The following APPL1 variants were observed in gnomAD, a reference collection of about 807,000 sequenced individuals.
APPL1 encodes adaptor protein, phosphotyrosine interacting with PH domain and leucine zipper 1.
Under a neutral mutation model 106.8 loss-of-function variants are expected in APPL1, and 42 were observed. The observed-to-expected ratio is 0.39, with a 90% CI of 0.31 to 0.51. The LOEUF is 0.51. Among genes scored for constraint, APPL1 ranks in the 20% least tolerant of loss-of-function variants. The pLI, the probability that APPL1 is intolerant of heterozygous loss-of-function variation, is 0.75. For missense variants in APPL1, 769 were observed against 858.2 expected (o/e 0.90, Z 1.30); for synonymous variants, 263 against 281.8 (o/e 0.93, Z 0.67).
intron 12 of APPL1, among the ~76,000 whole-genome samples, chr3:57,253,396 T>C (rs2107605391): frequency 6.6e-6 from 1 of 152,154 alleles, no homozygotes; most frequent in Non-Finnish European, 1.5e-5. Context: ...AACTTGAGAT[T>C]CTTACATAAA....
chr3:57,235,738 T>C, intron 2 of APPL1, 74 bp downstream of exon 2: 1 of 1,078,036 alleles, frequency 9.3e-7, no homozygotes, highest in Non-Finnish European at 1.4e-6. Flanking sequence ...ATAGTGTCTG[T>C]CTTGTTTACC....
chr3:57,262,045 G>T (rs2060869098), intron 19 of APPL1, among the ~76,000 whole-genome samples: 1 of 152,048 alleles, frequency 6.6e-6, no homozygotes, highest in African/African-American at 2.4e-5. Context: ...TCATATACCT[G>T]TTGGCTGTTT....
At chr3:57,255,906 A>T (rs2060832876) in intron 13 of APPL1, among the ~76,000 whole-genome samples, 1 of 152,190 alleles carries the variant, frequency 6.6e-6, no homozygotes, top group Admixed American at 6.5e-5. Flanking sequence ...CAGAACTCTA[A>T]TTTTTAGTTA....
chr3:57,258,999 G>A, intron 15 of APPL1, 29 bp from the exon 16 acceptor site: 1 of 1,566,256 alleles, frequency 6.4e-7, no homozygotes, highest in Non-Finnish European at 8.8e-7. Context: ...AACTGACCAT[G>A]TGTTCATATT....
At chr3:57,253,771 G>A in intron 13 of APPL1, 33 bp downstream of exon 13, 1 of 1,346,918 alleles carries the variant, frequency 7.4e-7, no homozygotes, top group South Asian at 1.7e-5. Context: ...CCCAGATCTA[G>A]CAAAATTGAG....
chr3:57,227,816 C>G lies in APPL1; in HGVS notation c.-68C>G. The G allele has an allele frequency of 1.5e-6, 2 of 1,335,304 alleles. No individual in the cohort carries two copies. The highest frequency in any genetic ancestry group is 3.0e-5 in the South Asian group (2 of 66,112). The allele number at this position is 1,335,304 out of a possible 1,614,324, so 82.7% of individuals were successfully genotyped here. A position where few individuals can be genotyped will look rare whatever the true frequency, so the allele number is the denominator to read the frequency against. On this transcript the variant is annotated 5_prime_UTR_variant, in exon 1 of 22. Transcript: ENST00000288266. The stretch of plus-strand genomic sequence containing the variant: ...GAGGGCGGGCCGGGGTCAGCTGCGG[C>G]GGGCGGGCCGGCGCGGGGAGCTGTG...
At position 57,260,013 on chromosome 3, in the gene APPL1, G is replaced by A; in HGVS notation, c.1652G>A (p.Cys551Tyr). Reference sequence around the variant, plus strand: ...TCGCATTTATTAGTCACTTGTGACTGTTTAAAGTAAGTAAAACCCTCCCTT... The same window carrying A: ...TCGCATTTATTAGTCACTTGTGACTATTTAAAGTAAGTAAAACCCTCCCTT... ...TESHLLVTCDCLKLIDPQTQV... is the reference protein window; with the variant it reads ...TESHLLVTCDYLKLIDPQTQV... Residue 551 changes from cysteine (C) to tyrosine (Y), a missense_variant, in exon 17 of 22, where the codon TGT becomes TAT. Transcript: ENST00000288266. The A allele has an allele frequency of 2.5e-6, 4 of 1,612,796 alleles. No homozygotes were observed. The highest frequency in any genetic ancestry group is 2.5e-6 in the Non-Finnish European group (3 of 1,179,696).
At chr3:57,265,947 A>G (rs2060892546) in intron 19 of APPL1, among the ~76,000 whole-genome samples, 1 of 152,180 alleles carries the variant, frequency 6.6e-6, no homozygotes, top group Non-Finnish European at 1.5e-5. Flanking sequence ...CAGTAATTGA[A>G]ATGATTAAAT....
intron 19 of APPL1, among the ~76,000 whole-genome samples, chr3:57,267,450 G>C (rs903031830): frequency 6.6e-5 from 10 of 152,198 alleles, no homozygotes; most frequent in African/African-American, 1.9e-4. Context: ...GCTGAGAATA[G>C]CATTAGCAGC....
chr3:57,232,992 ACT>A (rs762531161), intron 1 of APPL1, among the ~76,000 whole-genome samples: 11 of 152,046 alleles, frequency 7.2e-5, no homozygotes, highest in African/African-American at 1.2e-4. Context: ...ACACAGTGAG[ACT>A]CTGACTCAAA....
rs558181794 is a variant in APPL1, at chr3:57,234,457, C to T, written c.55-1109C>T. ...GGACTGCAGGGGCCCGCCACCATGC[C>T]TGGATAATTTTTTTGTATTTTTAGT... On this transcript the variant is annotated intron_variant, in intron 1 of 21. Coordinates refer to ENST00000288266, the MANE Select transcript of APPL1 (RefSeq NM_012096.3). Among the ~76,000 whole-genome samples, 14 of 151,508 alleles carry T rather than the reference C, an allele frequency of 9.2e-5. No individual in the cohort carries two copies. In the East Asian group the frequency reaches 2.6e-3, roughly 28 times the overall value.
Position 57,246,161 on chromosome 3 carries a change from C to T in APPL1, c.560C>T (p.Thr187Ile), listed in dbSNP as rs1466796818. The change falls in exon 8 of 22, where the codon ACT (threonine) becomes ATT (isoleucine). Residue 187 changes from threonine (T) to isoleucine (I), a missense_variant. Coordinates refer to ENST00000288266, the MANE Select transcript of APPL1 (RefSeq NM_012096.3). Reference sequence around the variant, plus strand: ...ATGCATTATTTTTGTGCATTAAATACTCTTCAGTACAAGAAGAAAATAGCA... The same window carrying T: ...ATGCATTATTTTTGTGCATTAAATATTCTTCAGTACAAGAAGAAAATAGCA... ...TMMHYFCALN[T>I]LQYKKKIALL... is the part of the protein sequence containing the mutation. 5 of 1,612,290 alleles carry T rather than the reference C, an allele frequency of 3.1e-6. No individual in the cohort carries two copies. Among genetic ancestry groups the T allele is most frequent in the East Asian group, 2.2e-5 (1 of 44,704 alleles).
chr3:57,253,798 A>G (rs1191701286), intron 13 of APPL1, 60 bp downstream of exon 13: 1 of 1,291,612 alleles, frequency 7.7e-7, no homozygotes, highest in African/African-American at 1.6e-5. Flanking sequence ...TGTGGCTTAC[A>G]TGTTTTTATT....
In APPL1 at chr3:57,227,798, G is replaced by C. The variant is rs901349054; in HGVS notation, c.-86G>C. On this transcript the variant is annotated 5_prime_UTR_variant, in exon 1 of 22. Coordinates refer to ENST00000288266, the MANE Select transcript of APPL1 (RefSeq NM_012096.3). ...GCTGCAGCCCTTGCCGGAGAGGGCG[G>C]GCCGGGGTCAGCTGCGGCGGGCGGG... 2.4e-6 allele frequency: 3 copies of C among 1,227,648 alleles called. No individual in the cohort carries two copies. Among genetic ancestry groups the C allele is most frequent in the Admixed American group, 2.7e-5 (1 of 37,648 alleles). 76.0% of individuals were successfully genotyped at this position (1,227,648 alleles called of 1,614,324 possible).
chr3:57,247,822 G>A (rs1185628844), intron 9 of APPL1, among the ~76,000 whole-genome samples: 1 of 152,152 alleles, frequency 6.6e-6, no homozygotes, highest in Non-Finnish European at 1.5e-5. Context: ...TCCAAGCCAT[G>A]AAAGCTTAGA....
At chr3:57,265,674 TAAGA>T (rs775342777) in intron 19 of APPL1, among the ~76,000 whole-genome samples, 4 of 151,994 alleles carry the variant, frequency 2.6e-5, no homozygotes, top group Non-Finnish European at 4.4e-5. Context: ...TTTCTAAATA[TAAGA>T]TCATCATATC....
In APPL1 at chr3:57,268,420, A is replaced by G. The variant is rs767956335; in HGVS notation, c.1916A>G (p.Gln639Arg). 30 of 1,597,490 alleles carry G rather than the reference A, an allele frequency of 1.9e-5. No individual in the cohort carries two copies. The highest frequency in any genetic ancestry group is 1.6e-4 in the African/African-American group (12 of 74,186). ...AELDRRASEK[Q>R]KEIERVKEKQ... ...TAGGATCGTAGGGCATCAGAAAAAC[A>G]AAAAGAAATAGAGAGAGTAAAAGAG... The change falls in exon 21 of 22, where the codon CAA becomes CGA. Residue 639 changes from glutamine (Q) to arginine (R), a missense_variant. Physicochemically the swap from Gln to Arg is conservative, Grantham distance 43. Transcript: ENST00000288266.
chr3:57,257,046 A>G lies in APPL1; in HGVS notation c.1242A>G (p.Ala414=). The G allele has an allele frequency of 6.2e-7, 1 of 1,614,132 alleles. No homozygotes were observed. Among genetic ancestry groups the G allele is most frequent in the South Asian group, 1.1e-5 (1 of 91,086 alleles). The change falls in exon 14 of 22, where the codon GCA becomes GCG. Residue 414 remains alanine, a synonymous_variant. Coordinates refer to ENST00000288266, the MANE Select transcript of APPL1 (RefSeq NM_012096.3). The part of the protein sequence containing the change: ...FQQRHESLRP[A]AGQSRPPTAR... Reference sequence around the variant, plus strand: ...AGAGGCACGAGAGCCTGCGGCCAGCAGCAGGGTAAGTTACCACACTGAGTT... The same window carrying G: ...AGAGGCACGAGAGCCTGCGGCCAGCGGCAGGGTAAGTTACCACACTGAGTT...
Position 57,240,485 on chromosome 3 carries a change from G to T in APPL1, c.306G>T (p.Val102=). The T allele has an allele frequency of 6.2e-7, 1 of 1,613,768 alleles. No homozygotes were observed. The highest frequency in any genetic ancestry group is 8.5e-7 in the Non-Finnish European group (1 of 1,179,808). Residue 102 remains valine (V), a synonymous_variant, in exon 5 of 22, where the codon GTG becomes GTT. Coordinates refer to ENST00000288266, the MANE Select transcript of APPL1 (RefSeq NM_012096.3). ...TCTAGCTTAGCTCTTGTCATGCAGT[G>T]CTTTCAACTCAACTTGCTGATGCCA... ...VIDELSSCHA[V]LSTQLADAMM...
Sources: allele counts gnomAD v4.1 joint callset (sites outside exome capture counted in the v4.1 genomes callset), GRCh38; gene constraint gnomAD v4.1.1; transcripts MANE v1.5; gene names NCBI Gene and HGNC (gene_info 2026-07-23, HGNC 2026-07-21).